FYN: variants seen among roughly 807,000 people sequenced by gnomAD.
FYN encodes the protein tyrosine-protein kinase Fyn.
Under a neutral mutation model 70.2 loss-of-function variants are expected in FYN, and 10 were observed. The observed-to-expected ratio is 0.14, with a 90% confidence interval of 0.09 to 0.24. The LOEUF (loss-of-function observed/expected upper bound fraction) is 0.24. Ranked by LOEUF, FYN falls within the 10% of genes least tolerant of loss-of-function variation. The pLI is 1.00. For missense variants in FYN, 319 were observed against 673.1 expected, an observed-to-expected ratio of 0.47 and a Z score of 5.82; for synonymous variants, 236 against 248.6, an observed-to-expected ratio of 0.95 and a Z score of 0.48.
intron 3 of FYN, among the ~76,000 whole-genome samples, chr6:111,729,147 A>G (rs1480791934): frequency 6.6e-6 from 1 of 152,154 alleles, no homozygotes; most frequent in Non-Finnish European, 1.5e-5. Flanking sequence ...ACCATTTGGT[A>G]AACCAATTTG....
intron 3 of FYN, among the ~76,000 whole-genome samples, chr6:111,720,650 A>T (rs1196178627): frequency 6.6e-6 from 1 of 152,218 alleles, no homozygotes; most frequent in Non-Finnish European, 1.5e-5. Context: ...TAGTTACTGG[A>T]TGAAAAATAA....
rs76819356 is a variant in FYN at position 111,834,874 on chromosome 6, C to A, written c.-82+11715G>T. On this transcript the variant is annotated intron_variant, in intron 2 of 13. Coordinates refer to ENST00000354650, the MANE Select transcript of FYN (RefSeq NM_002037.5). Reference sequence around the variant, plus strand: ...ACCACCCCTTCTTCCTTCCTCATTCCTATAGAATAATCCCAGACCTACCCA... The same window carrying A: ...ACCACCCCTTCTTCCTTCCTCATTCATATAGAATAATCCCAGACCTACCCA... Among the ~76,000 whole-genome samples the A allele has an allele frequency of 2.9e-3, 442 of 152,212 alleles. 2 individuals carry two copies. The highest frequency in any genetic ancestry group is 0.01 in the African/African-American group (422 of 41,534).
intron 3 of FYN, among the ~76,000 whole-genome samples, chr6:111,752,753 T>C (rs1412659905): frequency 6.6e-6 from 1 of 152,156 alleles, no homozygotes; most frequent in Non-Finnish European, 1.5e-5. Context: ...AGAATGACAC[T>C]TGGTCTGGCA....
intron 3 of FYN, among the ~76,000 whole-genome samples, chr6:111,722,436 A>C (rs924849327): frequency 1.3e-5 from 2 of 152,234 alleles, no homozygotes; most frequent in African/African-American, 4.8e-5. Flanking sequence ...GCTTCATCAG[A>C]CTGATAACTT....
chr6:111,849,317 T>C (rs1583492245), intron 1 of FYN, among the ~76,000 whole-genome samples: 1 of 152,178 alleles, frequency 6.6e-6, no homozygotes. Context: ...TCCTCCAACA[T>C]TGGGTGAACA....
At chr6:111,743,507 G>A (rs1248696157) in intron 3 of FYN, among the ~76,000 whole-genome samples, 1 of 152,200 alleles carries the variant, frequency 6.6e-6, no homozygotes, top group African/African-American at 2.4e-5. Flanking sequence ...CAGCTCACGT[G>A]ATCAGTCCCT....
At chr6:111,705,777 A>C (rs529843380) in intron 6 of FYN, among the ~76,000 whole-genome samples, 4 of 152,164 alleles carry the variant, frequency 2.6e-5, no homozygotes, top group African/African-American at 9.6e-5. Flanking sequence ...TGAACCAGGG[A>C]TGTGGAGGTT....
At chr6:111,759,896 A>G (rs1382344933) in intron 3 of FYN, 1 of 152,242 alleles carries the variant, frequency 6.6e-6, no homozygotes, top group East Asian at 1.9e-4. Flanking sequence ...TTCAGTTTTC[A>G]TTCGATTATT....
intron 13 of FYN, among the ~76,000 whole-genome samples, chr6:111,667,007 T>C (rs1335313336): frequency 6.6e-6 from 1 of 152,196 alleles, no homozygotes; most frequent in Non-Finnish European, 1.5e-5. Flanking sequence ...CTGTGCTCAC[T>C]TCCTGCCATT....
intron 3 of FYN, among the ~76,000 whole-genome samples, chr6:111,777,933 AC>A (rs1452818470): frequency 2.0e-5 from 3 of 152,164 alleles, no homozygotes; most frequent in East Asian, 3.9e-4. Flanking sequence ...TTGCACTGCC[AC>A]CCTCCCTACT....
intron 2 of FYN, among the ~76,000 whole-genome samples, chr6:111,810,440 G>A (rs1447199306): frequency 1.3e-5 from 2 of 152,058 alleles, no homozygotes; most frequent in South Asian, 2.1e-4. Flanking sequence ...AATATTCTGC[G>A]GTATTGAAAG....
At chr6:111,836,282 A>G (rs1427313163) in intron 2 of FYN, among the ~76,000 whole-genome samples, 1 of 152,226 alleles carries the variant, frequency 6.6e-6, no homozygotes, top group Non-Finnish European at 1.5e-5. Flanking sequence ...GGAAAATATG[A>G]AAACCTGTCA....
intron 2 of FYN, among the ~76,000 whole-genome samples, chr6:111,842,622 G>A (rs943034410): frequency 7.2e-5 from 11 of 152,100 alleles, no homozygotes; most frequent in South Asian, 2.1e-4. Flanking sequence ...CTCTGACCCC[G>A]GAAATCTTAT....
intron 12 of FYN, among the ~76,000 whole-genome samples, chr6:111,691,098 T>C (rs915800099): frequency 2.6e-5 from 4 of 152,202 alleles, no homozygotes; most frequent in African/African-American, 9.7e-5. Flanking sequence ...CCCAAATTTC[T>C]AGTTGCTTCT....
At chr6:111,802,117 G>T (rs755582823) in intron 2 of FYN, among the ~76,000 whole-genome samples, 13 of 152,182 alleles carry the variant, frequency 8.5e-5, no homozygotes, top group Non-Finnish European at 1.6e-4. Context: ...TGTTGGAGGT[G>T]GGGCCTGGTG....
intron 13 of FYN, among the ~76,000 whole-genome samples, chr6:111,673,323 C>T (rs760729995): frequency 6.6e-6 from 1 of 152,088 alleles, no homozygotes; most frequent in African/African-American, 2.4e-5. Context: ...TGACTTACAC[C>T]CGCATCTCTA....
At chr6:111,869,296 C>T (rs1774203879) in intron 1 of FYN, among the ~76,000 whole-genome samples, 1 of 152,260 alleles carries the variant, frequency 6.6e-6, no homozygotes, top group Non-Finnish European at 1.5e-5. Flanking sequence ...GAGCCTCCTG[C>T]CCTTCCGTTA....
intron 3 of FYN, among the ~76,000 whole-genome samples, chr6:111,752,737 T>C (rs1456729940): frequency 6.6e-6 from 1 of 152,196 alleles, no homozygotes; most frequent in Non-Finnish European, 1.5e-5. Flanking sequence ...TGAAGAGTTC[T>C]AAGCAAGAAT....
chr6:111,799,972 T>C (rs1771932437), intron 2 of FYN, among the ~76,000 whole-genome samples: 1 of 152,216 alleles, frequency 6.6e-6, no homozygotes, highest in Non-Finnish European at 1.5e-5. Context: ...GTACAAATGG[T>C]AACCGGCAGG....
Sources: gnomAD v4.1 joint callset for allele counts (sites outside exome capture counted in the v4.1 genomes callset) on GRCh38, gnomAD v4.1.1 for gene constraint, MANE v1.5 for transcripts, NCBI Gene and HGNC (gene_info 2026-07-23, HGNC 2026-07-21) for gene names.